The following ARSG variants were observed in gnomAD, a reference collection of about 807,000 sequenced individuals.
ARSG encodes arylsulfatase G, also known as ASG.
ARSG carries 37 observed loss-of-function variants against 50.5 expected under a neutral mutation model. That is an observed-to-expected ratio of 0.73 (90% CI 0.56 to 0.96). The LOEUF is 0.96. Ranked by LOEUF, ARSG falls within the 50% of genes least tolerant of loss-of-function variation. The pLI, the probability that ARSG is intolerant of heterozygous loss-of-function variation, is 0.00. For missense variants in ARSG, 629 were observed against 675.3 expected (o/e 0.93, Z 0.76); for synonymous variants, 225 against 254.6 (o/e 0.88, Z 1.11).
chr17:68,349,568 T>C (rs1446490329), intron 4 of ARSG, among the ~76,000 whole-genome samples: 1 of 152,084 alleles, frequency 6.6e-6, no homozygotes, highest in Non-Finnish European at 1.5e-5. Context: ...CAAGTTAGCA[T>C]GAAGATATCA....
downstream of ARSG, chr17:68,425,790 G>T: frequency 2.8e-6 from 1 of 351,716 alleles, no homozygotes. Context: ...CAGAAGCAAA[G>T]TAAGGGATCG....
At chr17:68,269,923 T>C (rs2075281912) in intron 1 of ARSG, among the ~76,000 whole-genome samples, 1 of 152,124 alleles carries the variant, frequency 6.6e-6, no homozygotes, top group South Asian at 2.1e-4. Context: ...TCCGCCCGCC[T>C]CATCCTCCCA....
At chr17:68,393,867 CAA>C (rs762829963) in intron 9 of ARSG, among the ~76,000 whole-genome samples, 21 of 106,102 alleles carry the variant, frequency 2.0e-4, no homozygotes, top group Admixed American at 1.9e-4. Context: ...GACTCCATCT[CAA>C]AAAAAAAAAA....
rs76893985 is a variant in ARSG, at chr17:68,384,815, A to G, written c.983-249A>G. Reference sequence around the variant, plus strand: ...AATAATTTACAGTGGGGAAGGTCTCATGAAGAAAATAAAATGAGGTGATTC... The same window carrying G: ...AATAATTTACAGTGGGGAAGGTCTCGTGAAGAAAATAAAATGAGGTGATTC... On this transcript the variant is annotated intron_variant, in intron 8 of 11. Transcript: ENST00000621439. Among the ~76,000 whole-genome samples, 560 of 152,326 alleles carry G rather than the reference A, an allele frequency of 3.7e-3. 3 individuals are homozygous for G. Among genetic ancestry groups the G allele is most frequent in the African/African-American group, 0.013 (528 of 41,578 alleles).
At chr17:68,426,254 G>GT (rs1445054523), downstream of ARSG, 3 of 816,890 alleles carry the variant, frequency 3.7e-6, no homozygotes, top group Non-Finnish European at 5.8e-6. Flanking sequence ...GGGAGCGGGG[G>GT]CTCAAATAAA....
In ARSG at chr17:68,417,733, A is replaced by ATTTTTTTTTTT. The variant is rs770292731; in HGVS notation, c.1304-2434_1304-2424dup. Among the ~76,000 whole-genome samples the ATTTTTTTTTTT allele has an allele frequency of 1.9e-3, 118 of 60,828 alleles. 22 individuals carry two copies. The highest frequency in any genetic ancestry group is 2.2e-3 in the Non-Finnish European group (76 of 34,586). The allele number at this position is 60,828 out of a possible 152,430, so 39.9% of individuals were successfully genotyped here. A position where few individuals can be genotyped will look rare whatever the true frequency, so the allele number is the denominator to read the frequency against. ...CAAAAGACCTAATAAGAGTTGCTGA[A>ATTTTTTTTTTT]TTTTTTTTTTTTTTTTTTTTTTTTT... On this transcript the variant is annotated intron_variant, in intron 11 of 11. Transcript: ENST00000621439.
rs2144948376 is a variant in ARSG, at chr17:68,271,048, ACAG to A, written c.-552+11623_-552+11625del. On this transcript the variant is annotated intron_variant, in intron 1 of 11. Coordinates refer to the ARSG transcript ENST00000448504. This position sits in a 1 kb window ranked among gnomAD's most constrained non-coding sequence, Gnocchi z 5.3. ...AGCAAAAGTAAAGGCAAACAGAGAC[ACAG>A]TCAATAAGATGACGCAGATGAGCTC... 6.2e-7 allele frequency: 1 copy of A among 1,614,248 alleles called. No homozygotes were observed. The highest frequency in any genetic ancestry group is 1.1e-5 in the South Asian group (1 of 91,088).
At chr17:68,317,154 T>C (rs2077098690) in intron 2 of ARSG, among the ~76,000 whole-genome samples, 1 of 152,098 alleles carries the variant, frequency 6.6e-6, no homozygotes, top group Non-Finnish European at 1.5e-5. Flanking sequence ...AAGAAAGGAA[T>C]CTGGGGGAAG....
chr17:68,388,944 A>AAAAAAAAT (rs1491203982), intron 9 of ARSG, among the ~76,000 whole-genome samples: 2 of 146,196 alleles, frequency 1.4e-5, no homozygotes, highest in African/African-American at 5.3e-5. Context: ...AAAAAAAAAA[A>AAAAAAAAT]AGAAAAACAG....
At chr17:68,444,650 C>T in the ARSG span, 1 of 1,373,508 alleles carries the variant, frequency 7.3e-7, no homozygotes, top group Non-Finnish European at 1.0e-6. Flanking sequence ...CTGACCAAAT[C>T]CAAATCATTC....
intron 11 of ARSG, among the ~76,000 whole-genome samples, chr17:68,411,851 T>C (rs2147366856): frequency 6.6e-6 from 1 of 151,052 alleles, no homozygotes; most frequent in Non-Finnish European, 1.5e-5. Flanking sequence ...GCTCTTCTTG[T>C]TGAATTGATC....
intron 2 of ARSG, among the ~76,000 whole-genome samples, chr17:68,323,041 C>CTT (rs2145877110): frequency 6.6e-6 from 1 of 151,850 alleles, no homozygotes; most frequent in African/African-American, 2.4e-5. Flanking sequence ...AGAGGGCTCT[C>CTT]TCTCTCTCTC....
At chr17:68,295,521 A>T (rs544931492) in intron 1 of ARSG, among the ~76,000 whole-genome samples, 5 of 151,960 alleles carry the variant, frequency 3.3e-5, no homozygotes, top group African/African-American at 7.3e-5. Flanking sequence ...TCTATAAATT[A>T]TCTCAAGCCT....
At chr17:68,354,571 C>A (rs2078951021) in intron 5 of ARSG, among the ~76,000 whole-genome samples, 1 of 152,002 alleles carries the variant, frequency 6.6e-6, no homozygotes, top group Non-Finnish European at 1.5e-5. Context: ...GATTAGTGTT[C>A]TAATGCCCAG....
intron 9 of ARSG, among the ~76,000 whole-genome samples, chr17:68,388,403 G>A (rs72841846): frequency 7.9e-5 from 12 of 151,900 alleles, no homozygotes; most frequent in African/African-American, 2.9e-4. Context: ...CAATTAAAAC[G>A]TTTCCAGACA....
chr17:68,439,085 A>C, the ARSG span, among the ~76,000 whole-genome samples: 1 of 152,188 alleles, frequency 6.6e-6, no homozygotes, highest in African/African-American at 2.4e-5. Context: ...CAGTTCTTCA[A>C]AAGCTAAACA....
At chr17:68,391,027 C>T (rs995708141) in intron 9 of ARSG, among the ~76,000 whole-genome samples, 4 of 151,334 alleles carry the variant, frequency 2.6e-5, no homozygotes, top group Admixed American at 1.3e-4. Context: ...GGCACCGAAA[C>T]GAACAGGGGA....
chr17:68,424,877 AAAAAC>A (rs986210064), downstream of ARSG, among the ~76,000 whole-genome samples: 5 of 152,368 alleles, frequency 3.3e-5, no homozygotes, highest in Admixed American at 2.0e-4. Flanking sequence ...ACTCCGTCTC[AAAAAC>A]AAAACAAAAC....
Position 68,271,633 on chromosome 17 carries a change from C to T in ARSG, c.-552+12207C>T, listed in dbSNP as rs782479737. ...GAGGAGGCTGTATCTCCAGCCAATGCGCTCCTTCAGAGCCATGATTGCTTG... is the reference window on the plus strand; with the variant it reads ...GAGGAGGCTGTATCTCCAGCCAATGTGCTCCTTCAGAGCCATGATTGCTTG... On this transcript the variant is annotated intron_variant, in intron 1 of 11. Transcript: ENST00000448504. This position sits in a 1 kb window ranked among gnomAD's most constrained non-coding sequence, Gnocchi z 5.3. 1.7e-5 allele frequency: 27 copies of T among 1,612,900 alleles called. No individual in the cohort carries two copies. The highest frequency in any genetic ancestry group is 6.7e-5 in the Admixed American group (4 of 59,964).
Sources: gnomAD v4.1 joint callset for allele counts (sites outside exome capture counted in the v4.1 genomes callset) on GRCh38, gnomAD v4.1.1 for gene constraint, Gnocchi (gnomAD v3.1) non-coding constraint, MANE v1.5 for transcripts, NCBI Gene and HGNC (gene_info 2026-07-23, HGNC 2026-07-21) for gene names.